IRAK2: variants seen among roughly 807,000 people sequenced by gnomAD.
IRAK2 encodes the protein interleukin-1 receptor-associated kinase-like 2.
In IRAK2, 57 loss-of-function variants were observed where a neutral mutation model predicts 72.0. The ratio of observed to expected loss-of-function variants is 0.79; its 90% CI spans 0.64 to 0.99. The LOEUF is 0.99. Among genes scored for constraint, IRAK2 ranks in the 50% least tolerant of loss-of-function variants. The pLI, the probability that IRAK2 is intolerant of heterozygous loss-of-function variation, is 0.00. For missense variants in IRAK2, 790 were observed against 794.4 expected (o/e 0.99, Z 0.07); for synonymous variants, 293 against 312.7 (o/e 0.94, Z 0.67).
chr3:10,195,672 G>T (rs1223274337), intron 2 of IRAK2, among the ~76,000 whole-genome samples: 1 of 152,190 alleles, frequency 6.6e-6, no homozygotes, highest in Non-Finnish European at 1.5e-5. Flanking sequence ...AGGAGAAGGT[G>T]CCTCATTTGC....
intron 4 of IRAK2, among the ~76,000 whole-genome samples, chr3:10,211,669 A>C (rs939209237): frequency 6.6e-6 from 1 of 152,152 alleles, no homozygotes; most frequent in Non-Finnish European, 1.5e-5. Context: ...TTGTTAAATA[A>C]ATCCTAGTAT....
intron 3 of IRAK2, among the ~76,000 whole-genome samples, chr3:10,207,408 G>A (rs1575973610): frequency 1.3e-5 from 2 of 152,286 alleles, no homozygotes; most frequent in East Asian, 3.9e-4. Context: ...CTCAGAAGCT[G>A]TCCTTGCCAT....
intron 1 of IRAK2, 114 bp from the exon 2 acceptor site, chr3:10,177,724 A>G: frequency 1.0e-6 from 1 of 977,438 alleles, no homozygotes; most frequent in South Asian, 1.4e-5. Flanking sequence ...TCCAGTGTGG[A>G]GGCGGTGGTT....
At position 10,219,721 on chromosome 3, in the gene IRAK2, C is replaced by T. The variant is rs760703173; in HGVS notation, c.945C>T (p.Ile315=). ...TCCCCTGGCCCCAGCGTGTCAGCAT[C>T]TGCTCAGGGCTGCTCTGTGCCGTCG... The part of the protein sequence containing the change: ...DPLPWPQRVS[I]CSGLLCAVEY... The change falls in exon 8 of 13, where the codon ATC becomes ATT. Residue 315 remains isoleucine, a synonymous_variant. Transcript: ENST00000256458. 105 of 1,613,694 alleles carry T rather than the reference C, an allele frequency of 6.5e-5. No homozygotes were observed. Among genetic ancestry groups the T allele is most frequent in the Non-Finnish European group, 8.6e-5 (101 of 1,179,914 alleles).
chr3:10,226,945 C>CAA (rs200295331), intron 10 of IRAK2, among the ~76,000 whole-genome samples: 14 of 96,768 alleles, frequency 1.4e-4, no homozygotes, highest in Non-Finnish European at 2.3e-4. Flanking sequence ...GACTCCATCT[C>CAA]AAAAAAAAAA....
chr3:10,239,029 T>TC lies in IRAK2; in HGVS notation c.1759dup (p.Gln587ProfsTer11). On this transcript the variant is annotated frameshift_variant, in exon 12 of 13. Coordinates refer to ENST00000256458, the MANE Select transcript of IRAK2 (RefSeq NM_001570.4). LOFTEE classifies it high-confidence loss of function. ...CTGAGGCCTGTGTTGGCCTGGAGCC[T>TC]CCCCAGGATGGTAAGCCGGAAGTCA... is the stretch of plus-strand genomic sequence containing the variant. The TC allele has an allele frequency of 6.3e-7, 1 of 1,593,382 alleles. No individual in the cohort carries two copies. The highest frequency in any genetic ancestry group is 8.6e-7 in the Non-Finnish European group (1 of 1,169,054).
At chr3:10,232,626 A>G (rs1037963617) in intron 10 of IRAK2, among the ~76,000 whole-genome samples, 4 of 152,146 alleles carry the variant, frequency 2.6e-5, no homozygotes, top group Admixed American at 2.0e-4. Context: ...TTATCGTCAT[A>G]GTCTTTGCAT....
intron 1 of IRAK2, among the ~76,000 whole-genome samples, chr3:10,165,411 G>A (rs1696666185): frequency 6.6e-6 from 1 of 151,856 alleles, no homozygotes; most frequent in African/African-American, 2.4e-5. Flanking sequence ...AGGGACCCAC[G>A]GTGCTGTCAC....
intron 2 of IRAK2, among the ~76,000 whole-genome samples, chr3:10,190,271 CTTTG>C (rs1697154042): frequency 7.5e-6 from 1 of 132,670 alleles, no homozygotes; most frequent in Non-Finnish European, 1.6e-5. Flanking sequence ...GTGAGGTTTT[CTTTG>C]TTTCTTTTTT....
chr3:10,227,472 C>A (rs1697798032), intron 10 of IRAK2, among the ~76,000 whole-genome samples: 1 of 151,948 alleles, frequency 6.6e-6, no homozygotes, highest in African/African-American at 2.4e-5. Flanking sequence ...ATATAACAAC[C>A]TAGCCTGACT....
At chr3:10,216,074 C>A (rs1697601031) in intron 6 of IRAK2, among the ~76,000 whole-genome samples, 1 of 152,126 alleles carries the variant, frequency 6.6e-6, no homozygotes, top group Non-Finnish European at 1.5e-5. Flanking sequence ...AGGCAGGAGG[C>A]CATTTACAGC....
intron 3 of IRAK2, among the ~76,000 whole-genome samples, chr3:10,205,590 C>G (rs1430779707): frequency 6.6e-6 from 1 of 152,204 alleles, no homozygotes; most frequent in Non-Finnish European, 1.5e-5. Flanking sequence ...AGAGACAGCC[C>G]TGCCCTGTGG....
chr3:10,186,255 T>C (rs1410463326), intron 2 of IRAK2, among the ~76,000 whole-genome samples: 2 of 151,752 alleles, frequency 1.3e-5, no homozygotes, highest in African/African-American at 4.9e-5. Flanking sequence ...GTTTGGGGAC[T>C]TGAGTGGAGC....
intron 4 of IRAK2, among the ~76,000 whole-genome samples, chr3:10,212,071 C>T (rs1697530484): frequency 7.6e-6 from 1 of 131,142 alleles, no homozygotes; most frequent in Non-Finnish European, 1.7e-5. Context: ...CAGTACGAGA[C>T]TCTGTCTCAA....
chr3:10,199,733 A>G (rs781459112), intron 2 of IRAK2, among the ~76,000 whole-genome samples: 23 of 151,948 alleles, frequency 1.5e-4, no homozygotes, highest in Non-Finnish European at 3.2e-4. Flanking sequence ...GGACGCCATT[A>G]TCACCTCCGT....
intron 2 of IRAK2, 89 bp downstream of exon 2, chr3:10,178,109 C>T: frequency 9.6e-7 from 1 of 1,043,338 alleles, no homozygotes; most frequent in Non-Finnish European, 1.4e-6. Flanking sequence ...GGCCTTAATA[C>T]TTTTTTCCTC....
chr3:10,192,775 C>T (rs754772959), intron 2 of IRAK2, among the ~76,000 whole-genome samples: 7 of 152,080 alleles, frequency 4.6e-5, no homozygotes, highest in African/African-American at 1.4e-4. Flanking sequence ...AAAAATTAGC[C>T]GGGCGTGATG....
chr3:10,221,248 ATTTTTTTTTTT>A (rs34742796), intron 8 of IRAK2, among the ~76,000 whole-genome samples: 2 of 89,714 alleles, frequency 2.2e-5, no homozygotes, highest in African/African-American at 9.6e-5. Context: ...AAAAAAAAAA[ATTTTTTTTTTT>A]TTTTTTTTTT....
Position 10,234,520 on chromosome 3 carries a change from G to A in IRAK2, c.1334G>A (p.Gly445Asp). The change falls in exon 11 of 13, where the codon GGC becomes GAC. Residue 445 changes from glycine to aspartate, a missense_variant. Transcript: ENST00000256458. ...STASLCSRKT[G>D]VENVMAKEIC... ...GCCTCGCTCTGCTCCAGGAAGACGGGCGTGGAGAACGTGATGGCAAAGGAG... is the reference window on the plus strand; with the variant it reads ...GCCTCGCTCTGCTCCAGGAAGACGGACGTGGAGAACGTGATGGCAAAGGAG... 1 of 1,614,176 alleles carries A rather than the reference G, an allele frequency of 6.2e-7. No individual in the cohort carries two copies. Among genetic ancestry groups the A allele is most frequent in the Non-Finnish European group, 8.5e-7 (1 of 1,180,032 alleles).
Sources: allele counts gnomAD v4.1 joint callset (sites outside exome capture counted in the v4.1 genomes callset), GRCh38; gene constraint gnomAD v4.1.1; transcripts MANE v1.5; gene names NCBI Gene and HGNC (gene_info 2026-07-23, HGNC 2026-07-21).